ALMS1: variants seen among roughly 807,000 people sequenced by gnomAD.
The protein encoded by ALMS1 is centrosome-associated protein ALMS1.
ALMS1 carries 271 observed loss-of-function variants against 352.2 expected under a neutral mutation model. The ratio of observed to expected loss-of-function variants is 0.77; its 90% CI spans 0.70 to 0.85. The LOEUF (loss-of-function observed/expected upper bound fraction) is 0.85, where lower values mean the gene tolerates loss of function less well. Among genes scored for constraint, ALMS1 ranks in the 40% least tolerant of loss-of-function variants. The probability of loss-of-function intolerance (pLI) is 0.00; values close to 1 mark genes in which losing one functional copy is unlikely to be tolerated. For missense variants in ALMS1, 5,445 were observed against 4,870.7 expected, an observed-to-expected ratio of 1.12 and a Z score of -3.51; for synonymous variants, 1,865 against 1,761.2, an observed-to-expected ratio of 1.06 and a Z score of -1.48.
chr2:73,579,044 CTTTAA>C (rs1357429958), intron 16 of ALMS1, among the ~76,000 whole-genome samples: 4 of 128,026 alleles, frequency 3.1e-5, no homozygotes, highest in African/African-American at 1.4e-4. Flanking sequence ...CTGGGAATGT[CTTTAA>C]TTTCTCCTTT....
At chr2:73,470,671 A>C (rs569982039) in intron 9 of ALMS1, 1 of 151,778 alleles carries the variant, frequency 6.6e-6, no homozygotes, top group African/African-American at 2.4e-5. Flanking sequence ...TATTCAGTAT[A>C]TGTGTGTTCT....
At chr2:73,476,487 A>G (rs1672585533) in intron 9 of ALMS1, among the ~76,000 whole-genome samples, 1 of 152,040 alleles carries the variant, frequency 6.6e-6, no homozygotes, top group Non-Finnish European at 1.5e-5. Flanking sequence ...TGTTTTCCAT[A>G]AGGGCTACAC....
intron 9 of ALMS1, among the ~76,000 whole-genome samples, chr2:73,467,490 C>G (rs1349352194): frequency 1.3e-5 from 2 of 152,022 alleles, no homozygotes; most frequent in Non-Finnish European, 2.9e-5. Flanking sequence ...CTGGAATAGT[C>G]ATTTATTGCT....
chr2:73,485,295 A>G (rs1672808570), intron 9 of ALMS1, among the ~76,000 whole-genome samples: 1 of 152,132 alleles, frequency 6.6e-6, no homozygotes, highest in Non-Finnish European at 1.5e-5. Context: ...CTTCTAACAG[A>G]CAGGACCCTC....
At chr2:73,412,521 G>A (rs1224917170) in intron 2 of ALMS1, among the ~76,000 whole-genome samples, 1 of 152,168 alleles carries the variant, frequency 6.6e-6, no homozygotes, top group Non-Finnish European at 1.5e-5. Context: ...TGGACGTGGT[G>A]GCTCACGCCT....
At position 73,452,780 on chromosome 2, in the gene ALMS1, A is replaced by G; in HGVS notation, c.6253A>G (p.Thr2085Ala). ...TGTCCCTGAACTAACTGATGTGAAT[A>G]CTGGAAAACCAGTATCTCTCTCTAG... ...SAVPELTDVNTGKPVSLSSSY... is the reference protein window; with the variant it reads ...SAVPELTDVNAGKPVSLSSSY... The change falls in exon 8 of 23, where the codon ACT (threonine) becomes GCT (alanine). Residue 2085 changes from threonine to alanine, a missense_variant. Physicochemically the swap from Thr to Ala is moderately conservative, Grantham distance 58. Coordinates refer to ENST00000613296, the MANE Select transcript of ALMS1 (RefSeq NM_001378454.1). The G allele has an allele frequency of 2.5e-6, 4 of 1,613,576 alleles. No homozygotes were observed. The highest frequency in any genetic ancestry group is 2.5e-6 in the Non-Finnish European group (3 of 1,179,956).
intron 12 of ALMS1, among the ~76,000 whole-genome samples, chr2:73,549,832 G>A (rs181193521): frequency 9.9e-5 from 15 of 152,148 alleles, no homozygotes; most frequent in Admixed American, 3.3e-4. Flanking sequence ...ACCCATTGTA[G>A]TGTAGTGTTT....
At chr2:73,475,041 TC>T (rs35395571) in intron 9 of ALMS1, among the ~76,000 whole-genome samples, 2,480 of 152,270 alleles carry the variant, frequency 0.016, 67 homozygotes, top group African/African-American at 0.057. Context: ...CATAGTGTTT[TC>T]AAGAGTCATT....
intron 21 of ALMS1, among the ~76,000 whole-genome samples, chr2:73,607,277 T>C (rs2104212830): frequency 6.6e-6 from 1 of 152,358 alleles, no homozygotes; most frequent in East Asian, 1.9e-4. Flanking sequence ...TTTTGTTTGG[T>C]ATACATGAAA....
chr2:73,509,144 TTGCACATGAGA>T (rs1249717400), intron 10 of ALMS1, among the ~76,000 whole-genome samples: 8 of 152,130 alleles, frequency 5.3e-5, no homozygotes, highest in African/African-American at 1.9e-4. Context: ...ATGTGTGTCT[TTGCACATGAGA>T]TGCGTCTCCT....
intron 2 of ALMS1, among the ~76,000 whole-genome samples, chr2:73,410,278 A>G (rs994365338): frequency 6.6e-6 from 1 of 152,144 alleles, no homozygotes; most frequent in African/African-American, 2.4e-5. Context: ...AATTGCAGCT[A>G]CTTGGGAGGC....
chr2:73,574,201 AAG>A (rs1268673514), intron 16 of ALMS1, among the ~76,000 whole-genome samples: 2 of 152,200 alleles, frequency 1.3e-5, no homozygotes, highest in Non-Finnish European at 2.9e-5. Context: ...CAGTGCAACA[AAG>A]AGTATCCTCC....
At chr2:73,522,319 A>C (rs1673698673) in intron 11 of ALMS1, among the ~76,000 whole-genome samples, 1 of 152,216 alleles carries the variant, frequency 6.6e-6, no homozygotes, top group Non-Finnish European at 1.5e-5. Flanking sequence ...CCGATGGAGA[A>C]AGAAAATTAA....
chr2:73,594,738 A>C (rs557326967), intron 16 of ALMS1, among the ~76,000 whole-genome samples: 1 of 152,366 alleles, frequency 6.6e-6, no homozygotes, highest in South Asian at 2.1e-4. Flanking sequence ...CTGAAGGCAC[A>C]GGAAACAGAC....
At chr2:73,515,404 T>C (rs927191369) in intron 10 of ALMS1, among the ~76,000 whole-genome samples, 2 of 152,160 alleles carry the variant, frequency 1.3e-5, no homozygotes, top group African/African-American at 2.4e-5. Flanking sequence ...TTTTCTTGTC[T>C]ATTTTTTCCT....
At chr2:73,446,526 C>G (rs975095212) in intron 7 of ALMS1, among the ~76,000 whole-genome samples, 3 of 152,036 alleles carry the variant, frequency 2.0e-5, no homozygotes, top group Non-Finnish European at 2.9e-5. Flanking sequence ...AAATTTTTTA[C>G]TTTTCTTGAA....
intron 9 of ALMS1, chr2:73,471,049 C>A (rs1477389444): frequency 6.6e-6 from 1 of 151,732 alleles, no homozygotes; most frequent in African/African-American, 2.4e-5. Context: ...ATTAATTCAG[C>A]CACTATATGT....
chr2:73,507,003 A>T (rs13385564), intron 10 of ALMS1, among the ~76,000 whole-genome samples: 44,437 of 151,810 alleles, frequency 0.29, 7,741 homozygotes, highest in African/African-American at 0.5. Flanking sequence ...GTTGAATTTT[A>T]TCGAAGGCCT....
chr2:73,609,865 T>G lies in ALMS1; in HGVS notation c.*253T>G. The G allele has an allele frequency of 2.1e-6, 1 of 487,264 alleles. No homozygotes were observed. The highest frequency in any genetic ancestry group is 3.3e-5 in the Admixed American group (1 of 30,056). 30.2% of individuals were successfully genotyped at this position (487,264 alleles called of 1,614,324 possible). On this transcript the variant is annotated 3_prime_UTR_variant, in exon 23 of 23. Coordinates refer to ENST00000613296, the MANE Select transcript of ALMS1 (RefSeq NM_001378454.1). The stretch of plus-strand genomic sequence containing the variant: ...GATATGATCATTTCTCAAGAATAAG[T>G]CCCTTTTTGTATGTGTTTTTATACT...
Sources: allele counts gnomAD v4.1 joint callset (sites outside exome capture counted in the v4.1 genomes callset), GRCh38; gene constraint gnomAD v4.1.1; transcripts MANE v1.5; gene names NCBI Gene and HGNC (gene_info 2026-07-23, HGNC 2026-07-21).